Variants in WWC1 observed in about 807,000 individuals in gnomAD.
WWC1 encodes WW and C2 domain containing 1.
Under a neutral mutation model 138.4 loss-of-function variants are expected in WWC1, and 55 were observed. The observed-to-expected ratio is 0.40, with a 90% confidence interval of 0.32 to 0.50. The LOEUF is 0.50. Ranked by LOEUF, WWC1 falls within the 20% of genes least tolerant of loss-of-function variation. WWC1 has a pLI of 0.72. For missense variants in WWC1, 1,226 were observed against 1,420.4 expected (o/e 0.86, Z 2.20); for synonymous variants, 524 against 564.9 (o/e 0.93, Z 1.03).
rs942117140 is a variant in WWC1 at position 168,454,109 on chromosome 5, G to T, written c.2658+9G>T. 2 of 1,610,026 alleles carry T rather than the reference G, an allele frequency of 1.2e-6. No homozygotes were observed. The highest frequency in any genetic ancestry group is 3.4e-5 in the Admixed American group (2 of 58,790). ...GGTACCCAGCATTAAAGGTAGGAAG[G>T]GCTGGGGGGATAGAAGGGCTGTCGT... On this transcript the variant is annotated intron_variant, in intron 18 of 22. Coordinates refer to ENST00000265293, the MANE Select transcript of WWC1 (RefSeq NM_015238.3).
chr5:168,395,282 G>A (rs1208598345), intron 3 of WWC1, among the ~76,000 whole-genome samples: 1 of 152,172 alleles, frequency 6.6e-6, no homozygotes. Context: ...GCAGGACAGG[G>A]TGCTCCTAGA....
intron 10 of WWC1, 151 bp downstream of exon 10, chr5:168,422,248 G>A (rs138172428): frequency 0.013 from 9,868 of 747,978 alleles, 91 homozygotes; most frequent in Non-Finnish European, 0.017. Context: ...CAGCAGACTC[G>A]GGCGTGGCCT....
chr5:168,408,600 C>T lies in WWC1; in HGVS notation c.814C>T (p.Pro272Ser), dbSNP rs1444650526. 8 of 1,614,188 alleles carry T rather than the reference C, an allele frequency of 5.0e-6. No individual in the cohort carries two copies. The Admixed American group carries it at 8.3e-5, about 17-fold the overall frequency. ...CAGCTCTCTGGAGAGTTCGAGTTTCCCGCTACCGAAACAGTACCTGGATGT... is the reference window on the plus strand; with the variant it reads ...CAGCTCTCTGGAGAGTTCGAGTTTCTCGCTACCGAAACAGTACCTGGATGT... ...SSSSLESSSFPLPKQYLDVSS... is the reference protein window; with the variant it reads ...SSSSLESSSFSLPKQYLDVSS... Residue 272 changes from proline (P) to serine (S), a missense_variant, in exon 7 of 23, where the codon CCG becomes TCG. Physicochemically the swap from Pro to Ser is moderately conservative, Grantham distance 74. Around this residue, in one of 3 missense-constraint regions of WWC1, gnomAD observed 1,016 missense variants for 1,153.9 expected, o/e 0.88. Transcript: ENST00000265293.
intron 1 of WWC1, among the ~76,000 whole-genome samples, chr5:168,310,778 C>T (rs955224968): frequency 6.7e-6 from 1 of 149,156 alleles, no homozygotes; most frequent in Non-Finnish European, 1.5e-5. Context: ...GTCGAGGTTG[C>T]CGTGAGCCAT....
intron 1 of WWC1, among the ~76,000 whole-genome samples, chr5:168,314,567 C>CA (rs902250745): frequency 6.6e-6 from 1 of 150,680 alleles, no homozygotes; most frequent in African/African-American, 2.4e-5. Context: ...AACTCCATCT[C>CA]AAAAAAAGAA....
chr5:168,420,301 G>C (rs906651815), intron 9 of WWC1, among the ~76,000 whole-genome samples: 2 of 152,184 alleles, frequency 1.3e-5, no homozygotes, highest in African/African-American at 4.8e-5. Context: ...CCCTTGGCTT[G>C]TAGGTGGCCT....
Position 168,421,929 on chromosome 5 carries a change from G to A in WWC1, c.1185-79G>A, listed in dbSNP as rs1781117979. 4.9e-6 allele frequency: 6 copies of A among 1,221,662 alleles called. No individual in the cohort carries two copies. The Admixed American group carries it at 1.0e-4, about 21-fold the overall frequency. 75.7% of individuals were successfully genotyped at this position (1,221,662 alleles called of 1,614,324 possible). A position where few individuals can be genotyped will look rare whatever the true frequency, so the allele number is the denominator to read the frequency against. ...CTTTACGGAAAGTTCTTGTGCCTGT[G>A]GGTCTGGGTGTACATGGGTAAGAGT... On this transcript the variant is annotated intron_variant, in intron 9 of 22. Transcript: ENST00000265293.
At chr5:168,454,252 T>TTTACTATCACCA in intron 18 of WWC1, 152 bp downstream of exon 18, 1 of 1,228,060 alleles carries the variant, frequency 8.1e-7, no homozygotes. Context: ...GTCATTCTGG[T>TTTACTATCACCA]GATAGTAAAC....
In WWC1 at chr5:168,414,356, A is replaced by C. The variant is rs750305410; in HGVS notation, c.950A>C (p.Asn317Thr). 110 of 1,612,260 alleles carry C rather than the reference A, an allele frequency of 6.8e-5. 2 individuals are homozygous for C. In the South Asian group the frequency reaches 1.1e-3, roughly 16 times the overall value. Residue 317 changes from asparagine (N) to threonine (T), a missense_variant, in exon 9 of 23, where the codon AAC (asparagine) becomes ACC (threonine). By Grantham distance (65) the Asn-to-Thr change is moderately conservative. Around this residue, in one of 3 missense-constraint regions of WWC1, gnomAD observed 1,016 missense variants for 1,153.9 expected, o/e 0.88. Coordinates refer to ENST00000265293, the MANE Select transcript of WWC1 (RefSeq NM_015238.3). Reference sequence around the variant, plus strand: ...GCTTTCTTGGCCCCCAGGATCGCCAACCTGAAGATCCAGCTGGCCAAGCTT... The same window carrying C: ...GCTTTCTTGGCCCCCAGGATCGCCACCCTGAAGATCCAGCTGGCCAAGCTT... Reference protein sequence around the residue: ...RYEEAKRRIANLKIQLAKLDS... With the variant: ...RYEEAKRRIATLKIQLAKLDS...
chr5:168,351,347 C>G (rs1054545864), intron 1 of WWC1, among the ~76,000 whole-genome samples: 2 of 152,128 alleles, frequency 1.3e-5, no homozygotes, highest in Admixed American at 1.3e-4. Flanking sequence ...CCTGAGAGAT[C>G]CAATGTTTTT....
At chr5:168,410,104 A>G in intron 8 of WWC1, 109 bp downstream of exon 8, 2 of 1,078,668 alleles carry the variant, frequency 1.9e-6, no homozygotes, top group Non-Finnish European at 2.8e-6. Flanking sequence ...TTTAATCCTC[A>G]CAAAGATTAT....
In WWC1 at chr5:168,298,132, G is replaced by A. The variant is rs527506975; in HGVS notation, c.119+5861G>A. ...CAGCTCATTGCAACCTCTACTTCCC[G>A]GGTTCAAGCAATTCTCGTGCCTCAG... On this transcript the variant is annotated intron_variant, in intron 1 of 22. Coordinates refer to ENST00000265293, the MANE Select transcript of WWC1 (RefSeq NM_015238.3). Among the ~76,000 whole-genome samples, 14 of 152,140 alleles carry A rather than the reference G, an allele frequency of 9.2e-5. No individual in the cohort carries two copies. In the East Asian group the frequency reaches 2.3e-3, roughly 25 times the overall value.
At chr5:168,464,654 G>A (rs1228289448) in intron 20 of WWC1, 75 bp from the exon 21 acceptor site, 1 of 1,579,154 alleles carries the variant, frequency 6.3e-7, no homozygotes, top group Non-Finnish European at 8.6e-7. Flanking sequence ...GGGTATTTGA[G>A]GGTCAGAGGA....
Position 168,292,180 on chromosome 5 carries a change from G to A in WWC1, c.28G>A (p.Glu10Lys). MPRPELPLP[E>K]GWEEARDFDG... The stretch of plus-strand genomic sequence containing the variant: ...GCCCCGGCCGGAGCTGCCCCTGCCG[G>A]AGGGCTGGGAGGAGGCGCGCGACTT... The change falls in exon 1 of 23, where the codon GAG (glutamate) becomes AAG (lysine). Residue 10 changes from glutamate (E) to lysine (K), a missense_variant. Physicochemically the swap from Glu to Lys is moderately conservative, Grantham distance 56 (BLOSUM62 1). This residue lies in a region of WWC1 where 1,016 missense variants were observed against 1,153.9 expected (regional missense o/e 0.88). Coordinates refer to ENST00000265293, the MANE Select transcript of WWC1 (RefSeq NM_015238.3). The surrounding 1 kb of genome is among the most constrained non-coding windows in gnomAD (Gnocchi z 4.4). The A allele has an allele frequency of 6.5e-7, 1 of 1,548,588 alleles. No homozygotes were observed.
intron 1 of WWC1, among the ~76,000 whole-genome samples, chr5:168,343,613 A>G (rs764918284): frequency 6.6e-6 from 1 of 151,986 alleles, no homozygotes; most frequent in Non-Finnish European, 1.5e-5. Flanking sequence ...CACAAAGTCA[A>G]GAGGTCAAGA....
intron 3 of WWC1, among the ~76,000 whole-genome samples, chr5:168,388,430 T>C (rs981287935): frequency 3.3e-5 from 5 of 152,080 alleles, no homozygotes; most frequent in Admixed American, 2.0e-4. Context: ...AATGGAGTTA[T>C]GAATATGTAG....
chr5:168,414,660 G>C, intron 9 of WWC1, 70 bp downstream of exon 9: 1 of 1,473,794 alleles, frequency 6.8e-7, no homozygotes, highest in Non-Finnish European at 9.0e-7. Context: ...CCCCAGATGG[G>C]GGAAGAATGA....
Position 168,410,931 on chromosome 5 carries a change from C to CTTT in WWC1, c.941+955_941+957dup, listed in dbSNP as rs1354123052. On this transcript the variant is annotated intron_variant, in intron 8 of 22. Transcript: ENST00000265293. Reference sequence around the variant, plus strand: ...TCTGTCTTTAAGTTCATGATCTTTGCTTTTTTTTTTTTTTTTTTTTTGAGA... The same window carrying CTTT: ...TCTGTCTTTAAGTTCATGATCTTTGCTTTTTTTTTTTTTTTTTTTTTTTTGAGA... Among the ~76,000 whole-genome samples the CTTT allele has an allele frequency of 2.8e-3, 316 of 114,432 alleles. 11 individuals carry two copies. The highest frequency in any genetic ancestry group is 5.4e-3 in the Middle Eastern group (1 of 184). The allele number at this position is 114,432 out of a possible 152,430, so 75.1% of individuals were successfully genotyped here.
intron 1 of WWC1, among the ~76,000 whole-genome samples, chr5:168,362,082 T>C (rs1319978400): frequency 6.6e-6 from 1 of 152,024 alleles, no homozygotes; most frequent in Non-Finnish European, 1.5e-5. Context: ...AAACTCCATC[T>C]CAAAAGATAA....
Sources: gnomAD v4.1 joint callset for allele counts (sites outside exome capture counted in the v4.1 genomes callset) on GRCh38, gnomAD v4.1.1 for gene constraint, gnomAD v4.1.1 regional missense constraint, Gnocchi (gnomAD v3.1) non-coding constraint, MANE v1.5 for transcripts, NCBI Gene and HGNC (gene_info 2026-07-23, HGNC 2026-07-21) for gene names.